ENTHD1: variants seen among roughly 807,000 people sequenced by gnomAD.
ENTHD1 encodes the protein ENTH domain containing 1.
ENTHD1 carries 23 observed loss-of-function variants against 39.1 expected under a neutral mutation model. The observed-to-expected ratio is 0.59, with a 90% CI of 0.42 to 0.83. The LOEUF (loss-of-function observed/expected upper bound fraction) is 0.83. ENTHD1 is among the 40% of genes least tolerant of loss of function. The probability of loss-of-function intolerance (pLI) is 0.00; values close to 1 mark genes in which losing one functional copy is unlikely to be tolerated. For missense variants in ENTHD1, 624 were observed against 705.4 expected, an observed-to-expected ratio of 0.88 and a Z score of 1.31; for synonymous variants, 230 against 258.2, an observed-to-expected ratio of 0.89 and a Z score of 1.05.
At chr22:39,853,526 G>A (rs1038192466) in intron 3 of ENTHD1, among the ~76,000 whole-genome samples, 1 of 152,056 alleles carries the variant, frequency 6.6e-6, no homozygotes, top group Non-Finnish European at 1.5e-5. Flanking sequence ...GTGAGACTCT[G>A]TCTCAAAACA....
In ENTHD1 at chr22:39,777,632, G is replaced by T. The variant is rs1268673439; in HGVS notation, c.833-12023C>A. On this transcript the variant is annotated intron_variant, in intron 5 of 6. Transcript: ENST00000325157. ...CACATGTAAAGGTGCTTTTTTTCAT[G>T]TAACTTGCTTCTTCTATAAAGGTGC... 2.0e-5 allele frequency among the ~76,000 whole-genome samples: 3 copies of T among 152,044 alleles called. No individual in the cohort carries two copies. In the East Asian group the frequency reaches 5.8e-4, roughly 29 times the overall value.
intron 6 of ENTHD1, among the ~76,000 whole-genome samples, chr22:39,760,814 G>A (rs914811254): frequency 1.3e-5 from 2 of 151,868 alleles, no homozygotes; most frequent in Non-Finnish European, 2.9e-5. Context: ...TTAACTTATC[G>A]TGAGTTAATC....
chr22:39,758,301 T>A (rs1422771813), intron 6 of ENTHD1, among the ~76,000 whole-genome samples: 2 of 152,316 alleles, frequency 1.3e-5, no homozygotes, highest in East Asian at 3.9e-4. Context: ...TCTAATACAA[T>A]GTTGAATAAA....
intron 3 of ENTHD1, among the ~76,000 whole-genome samples, chr22:39,854,881 T>TA (rs1252440946): frequency 1.3e-5 from 2 of 152,220 alleles, no homozygotes; most frequent in Admixed American, 1.3e-4. Flanking sequence ...CTAAATAACT[T>TA]AGAGACATCT....
intron 3 of ENTHD1, among the ~76,000 whole-genome samples, chr22:39,840,919 A>G (rs1406455551): frequency 1.3e-5 from 2 of 151,916 alleles, no homozygotes; most frequent in African/African-American, 4.8e-5. Flanking sequence ...CCCCTGGCTA[A>G]TTTTTTGTAT....
intron 6 of ENTHD1, among the ~76,000 whole-genome samples, chr22:39,761,062 G>A (rs771725364): frequency 1.3e-5 from 2 of 152,026 alleles, no homozygotes; most frequent in East Asian, 1.9e-4. Flanking sequence ...ATTTGTTTCT[G>A]TAGATTCAGG....
At chr22:39,773,441 G>A (rs1475004763) in intron 5 of ENTHD1, among the ~76,000 whole-genome samples, 1 of 151,964 alleles carries the variant, frequency 6.6e-6, no homozygotes, top group Non-Finnish European at 1.5e-5. Flanking sequence ...TAGGTTCTCT[G>A]GACACAATGG....
intron 5 of ENTHD1, among the ~76,000 whole-genome samples, chr22:39,774,034 A>T (rs1440247929): frequency 6.6e-6 from 1 of 152,258 alleles, no homozygotes; most frequent in African/African-American, 2.4e-5. Context: ...CAGTGCACAC[A>T]GAGAGCAGAG....
At chr22:39,762,303 C>G (rs1462877965) in intron 6 of ENTHD1, among the ~76,000 whole-genome samples, 1 of 152,158 alleles carries the variant, frequency 6.6e-6, no homozygotes, top group Non-Finnish European at 1.5e-5. Context: ...AACTTTCCAG[C>G]TTCCCTGCCA....
chr22:39,884,538 G>T (rs1172351719), intron 2 of ENTHD1, among the ~76,000 whole-genome samples: 1 of 149,938 alleles, frequency 6.7e-6, no homozygotes, highest in Admixed American at 6.6e-5. Context: ...GAAAATGCAA[G>T]AGACTCAGAA....
chr22:39,824,498 C>T (rs780495301), intron 4 of ENTHD1, among the ~76,000 whole-genome samples: 14 of 151,922 alleles, frequency 9.2e-5, no homozygotes, highest in East Asian at 3.9e-4. Context: ...GGTGAGCCAC[C>T]GCACCCGGCC....
chr22:39,810,626 T>C lies in ENTHD1; in HGVS notation c.832+10367A>G, dbSNP rs574149826. On this transcript the variant is annotated intron_variant, in intron 5 of 6. Transcript: ENST00000325157. ...TGTAGGGGTAGTGATTCTTACCACA[T>C]TCCAGTATAACTTGCCTGTTTTTCT... Among the ~76,000 whole-genome samples the C allele has an allele frequency of 1.6e-3, 250 of 152,348 alleles. 1 individual carries two copies. The highest frequency in any genetic ancestry group is 5.9e-3 in the African/African-American group (247 of 41,570).
chr22:39,762,416 ATT>A (rs113598684), intron 6 of ENTHD1, among the ~76,000 whole-genome samples: 1 of 144,814 alleles, frequency 6.9e-6, no homozygotes, highest in Admixed American at 6.9e-5. Flanking sequence ...TTTTCATTTG[ATT>A]TTTTTTTTTT....
rs555674686 is a variant in ENTHD1 at position 39,762,437 on chromosome 22, G to A, written c.1219+2786C>T. Among the ~76,000 whole-genome samples the A allele has an allele frequency of 4.0e-5, 6 of 151,104 alleles. No homozygotes were observed. The South Asian group carries it at 1.3e-3, about 32-fold the overall frequency. On this transcript the variant is annotated intron_variant, in intron 6 of 6. Coordinates refer to ENST00000325157, the MANE Select transcript of ENTHD1 (RefSeq NM_152512.4). ...TTTGATTTTTTTTTTTTTGACACAGGATCTCACTGTGTCACCCAGGCTCTC... is the reference window on the plus strand; with the variant it reads ...TTTGATTTTTTTTTTTTTGACACAGAATCTCACTGTGTCACCCAGGCTCTC...
intron 6 of ENTHD1, among the ~76,000 whole-genome samples, chr22:39,747,966 C>T (rs1295211532): frequency 6.6e-6 from 1 of 151,884 alleles, no homozygotes; most frequent in African/African-American, 2.4e-5. Flanking sequence ...TTCTAGGACC[C>T]GGCTGGGCAT....
In ENTHD1 at chr22:39,743,589, T is replaced by G. The variant is rs2065076252; in HGVS notation, c.*90A>C. 6 of 1,379,848 alleles carry G rather than the reference T, an allele frequency of 4.3e-6. No individual in the cohort carries two copies. Among genetic ancestry groups the G allele is most frequent in the Non-Finnish European group, 4.7e-6 (5 of 1,053,252 alleles). The allele number at this position is 1,379,848 out of a possible 1,614,324, so 85.5% of individuals were successfully genotyped here. ...GGAAAAATTAAACCATCCCCTTTTT[T>G]GCCATAATAATATGAATTTATACAA... On this transcript the variant is annotated 3_prime_UTR_variant, in exon 7 of 7. Transcript: ENST00000325157.
intron 2 of ENTHD1, among the ~76,000 whole-genome samples, chr22:39,884,904 G>A (rs566631615): frequency 2.0e-5 from 3 of 152,300 alleles, no homozygotes; most frequent in Admixed American, 2.0e-4. Flanking sequence ...TCTTAGAAAA[G>A]ATAGGTATAA....
At chr22:39,836,980 A>G (rs2065911789) in intron 3 of ENTHD1, among the ~76,000 whole-genome samples, 2 of 152,198 alleles carry the variant, frequency 1.3e-5, no homozygotes, top group South Asian at 2.1e-4. Context: ...ACCCAGTCTC[A>G]GGTAGTCCTT....
At chr22:39,788,048 A>T (rs1358831264) in intron 5 of ENTHD1, among the ~76,000 whole-genome samples, 1 of 152,182 alleles carries the variant, frequency 6.6e-6, no homozygotes, top group Non-Finnish European at 1.5e-5. Context: ...GGAGATGTAC[A>T]AGGAGATTAA....
Sources: allele counts gnomAD v4.1 joint callset (sites outside exome capture counted in the v4.1 genomes callset), GRCh38; gene constraint gnomAD v4.1.1; transcripts MANE v1.5; gene names NCBI Gene and HGNC (gene_info 2026-07-23, HGNC 2026-07-21).